SORCS1: variants seen among roughly 807,000 people sequenced by gnomAD.
SORCS1 encodes the protein VPS10 domain-containing receptor SorCS1.
A neutral mutation model predicts 146.1 loss-of-function variants in SORCS1; 60 were observed. The observed-to-expected ratio is 0.41, with a 90% CI of 0.33 to 0.51. The LOEUF is 0.51. SORCS1 is among the 20% of genes least tolerant of loss of function. SORCS1 has a pLI of 0.21. For missense variants in SORCS1, 1,352 were observed against 1,487.6 expected (o/e 0.91, Z 1.50); for synonymous variants, 637 against 584.0 (o/e 1.09, Z -1.31).
At chr10:107,028,594 G>C (rs1958508882) in intron 1 of SORCS1, among the ~76,000 whole-genome samples, 1 of 152,180 alleles carries the variant, frequency 6.6e-6, no homozygotes, top group Non-Finnish European at 1.5e-5. Flanking sequence ...GTTCTCTTTA[G>C]AGAGATTAGC....
chr10:107,086,625 C>T (rs1963784032), intron 1 of SORCS1, among the ~76,000 whole-genome samples: 1 of 152,040 alleles, frequency 6.6e-6, no homozygotes. Context: ...TTTTTTAAAG[C>T]AATTGGAAGA....
intron 1 of SORCS1, among the ~76,000 whole-genome samples, chr10:107,108,599 C>A (rs1965470603): frequency 6.6e-6 from 1 of 152,080 alleles, no homozygotes; most frequent in Non-Finnish European, 1.5e-5. Context: ...GATTACAATT[C>A]AACATGAGAT....
chr10:106,858,386 G>A (rs776285319), intron 2 of SORCS1, among the ~76,000 whole-genome samples: 8 of 151,724 alleles, frequency 5.3e-5, no homozygotes, highest in Non-Finnish European at 8.8e-5. Context: ...TGGGGAAGCC[G>A]AGGCAGGCGG....
intron 2 of SORCS1, among the ~76,000 whole-genome samples, chr10:106,916,579 C>T (rs866069146): frequency 0.011 from 1,516 of 144,246 alleles, 24 homozygotes; most frequent in African/African-American, 0.036. Context: ...TATATATACA[C>T]ACACACACAC....
chr10:107,006,816 C>CA (rs1201649137), intron 1 of SORCS1, among the ~76,000 whole-genome samples: 6 of 151,642 alleles, frequency 4.0e-5, no homozygotes, highest in Middle Eastern at 3.2e-3. Flanking sequence ...GACTCCGTCT[C>CA]AAAAAAAAGA....
chr10:106,775,740 T>C (rs1860383564), intron 4 of SORCS1, among the ~76,000 whole-genome samples: 1 of 152,246 alleles, frequency 6.6e-6, no homozygotes, highest in Non-Finnish European at 1.5e-5. Context: ...CTCTGGTTTT[T>C]ATGGCCAGAG....
intron 1 of SORCS1, among the ~76,000 whole-genome samples, chr10:107,111,982 C>T (rs1017022283): frequency 6.6e-6 from 1 of 152,026 alleles, no homozygotes; most frequent in Non-Finnish European, 1.5e-5. Context: ...AACTGTAATG[C>T]TAAAGGGATT....
intron 17 of SORCS1, among the ~76,000 whole-genome samples, chr10:106,653,291 T>A (rs1299238172): frequency 6.6e-6 from 1 of 152,194 alleles, no homozygotes; most frequent in Admixed American, 6.5e-5. Flanking sequence ...ATTTTTGAGG[T>A]TCAGCGTTAT....
chr10:106,732,230 AG>A (rs1351842759), intron 5 of SORCS1, among the ~76,000 whole-genome samples: 2 of 152,222 alleles, frequency 1.3e-5, no homozygotes, highest in Non-Finnish European at 2.9e-5. Context: ...TTTCCTAATA[AG>A]GGTCTCATAA....
intron 2 of SORCS1, among the ~76,000 whole-genome samples, chr10:106,838,587 T>C (rs144162300): frequency 6.6e-6 from 1 of 152,340 alleles, no homozygotes; most frequent in East Asian, 1.9e-4. Flanking sequence ...CCTCTTCCTA[T>C]TGATTCTTCC....
intron 2 of SORCS1, among the ~76,000 whole-genome samples, chr10:106,928,300 C>T (rs577112059): frequency 9.5e-4 from 144 of 152,314 alleles, no homozygotes; most frequent in African/African-American, 3.4e-3. Flanking sequence ...GCCGGTGGGC[C>T]GGCACTGCCG....
chr10:106,745,575 T>C (rs1453699265), intron 5 of SORCS1, among the ~76,000 whole-genome samples: 1 of 152,230 alleles, frequency 6.6e-6, no homozygotes, highest in Non-Finnish European at 1.5e-5. Flanking sequence ...AACGTATCTC[T>C]CCAAAATCTT....
rs530402903 is a variant in SORCS1, at chr10:106,831,214, T to A, written c.627-1541A>T. Among the ~76,000 whole-genome samples, 48 of 152,030 alleles carry A rather than the reference T, an allele frequency of 3.2e-4. No homozygotes were observed. The East Asian group carries it at 6.8e-3, about 21-fold the overall frequency. On this transcript the variant is annotated intron_variant, in intron 2 of 25. Coordinates refer to ENST00000263054, the MANE Select transcript of SORCS1 (RefSeq NM_052918.5). ...AAGACTCCATCTCAAAAAAAATAAA[T>A]AAATAAATAAAAAGGACATAGACAT...
Position 106,629,496 on chromosome 10 carries a change from G to A in SORCS1, c.2476-108C>T, listed in dbSNP as rs1336783751. 2.2e-5 allele frequency: 24 copies of A among 1,077,174 alleles called. No individual in the cohort carries two copies. The East Asian group carries it at 5.2e-4, about 23-fold the overall frequency. The allele number at this position is 1,077,174 out of a possible 1,614,324, so 66.7% of individuals were successfully genotyped here. A position where few individuals can be genotyped will look rare whatever the true frequency, so the allele number is the denominator to read the frequency against. On this transcript the variant is annotated intron_variant, in intron 18 of 25. Coordinates refer to ENST00000263054, the MANE Select transcript of SORCS1 (RefSeq NM_052918.5). ...AGTCCCTGGCTCAGGCATGATGGCA[G>A]CCCTGGCTCACTCCTACAGCTAGGA... is the stretch of plus-strand genomic sequence containing the variant.
At chr10:106,833,281 G>T (rs139455244) in intron 2 of SORCS1, among the ~76,000 whole-genome samples, 4 of 152,110 alleles carry the variant, frequency 2.6e-5, no homozygotes, top group African/African-American at 7.2e-5. Context: ...CACTAGAGCA[G>T]AATTGCCTAT....
At chr10:106,992,818 CTTTCTTTCTTTTT>C (rs1369532297) in intron 1 of SORCS1, among the ~76,000 whole-genome samples, 2 of 110,442 alleles carry the variant, frequency 1.8e-5, no homozygotes, top group African/African-American at 7.4e-5. Flanking sequence ...TTCTTCCTTT[CTTTCTTTCTTTTT>C]TTTTTTTTTT....
intron 2 of SORCS1, among the ~76,000 whole-genome samples, chr10:106,856,490 C>T (rs1336532410): frequency 6.6e-6 from 1 of 152,192 alleles, no homozygotes; most frequent in Non-Finnish European, 1.5e-5. Context: ...TCCCCCTAGT[C>T]AGTTATGGTC....
chr10:106,695,986 G>A (rs1476065561), intron 9 of SORCS1, among the ~76,000 whole-genome samples: 1 of 152,134 alleles, frequency 6.6e-6, no homozygotes, highest in East Asian at 1.9e-4. Context: ...AATGAGCACA[G>A]TGCTTCCTTC....
At chr10:107,035,282 A>C (rs1475741632) in intron 1 of SORCS1, among the ~76,000 whole-genome samples, 2 of 150,074 alleles carry the variant, frequency 1.3e-5, no homozygotes, top group Non-Finnish European at 3.0e-5. Context: ...AAAACAACAA[A>C]AAAAAAAACA....
Sources: allele counts gnomAD v4.1 joint callset (sites outside exome capture counted in the v4.1 genomes callset), GRCh38; gene constraint gnomAD v4.1.1; transcripts MANE v1.5; gene names NCBI Gene and HGNC (gene_info 2026-07-23, HGNC 2026-07-21).